The following STX12 variants were observed in gnomAD, a reference collection of about 807,000 sequenced individuals.
The protein encoded by STX12 is syntaxin-12.
In STX12, 17 loss-of-function variants were observed where a neutral mutation model predicts 42.2. That is an observed-to-expected ratio of 0.40 (90% confidence interval 0.28 to 0.60). The LOEUF is 0.60. Among genes scored for constraint, STX12 ranks in the 20% least tolerant of loss-of-function variants. STX12 has a pLI of 0.39. For missense variants in STX12, 297 were observed against 330.9 expected (o/e 0.90, Z 0.79); for synonymous variants, 108 against 116.7 (o/e 0.93, Z 0.48).
chr1:27,804,887 A>G (rs891849984), intron 4 of STX12, among the ~76,000 whole-genome samples: 1 of 152,066 alleles, frequency 6.6e-6, no homozygotes, highest in Non-Finnish European at 1.5e-5. Context: ...TTTAATTTAT[A>G]TAGGAAAGGG....
chr1:27,808,488 C>G (rs2088880047), intron 4 of STX12, among the ~76,000 whole-genome samples: 1 of 151,808 alleles, frequency 6.6e-6, no homozygotes, highest in African/African-American at 2.4e-5. Context: ...ATTACAGGCA[C>G]CCACCACCAT....
intron 6 of STX12, among the ~76,000 whole-genome samples, chr1:27,813,481 A>G (rs1344874106): frequency 8.5e-5 from 13 of 152,150 alleles, no homozygotes; most frequent in Admixed American, 8.5e-4. Flanking sequence ...CAGCTAAAAT[A>G]TCCTTAAACC....
In STX12 at chr1:27,804,818, A is replaced by G. The variant is rs548544776; in HGVS notation, c.426+3003A>G. Among the ~76,000 whole-genome samples the G allele has an allele frequency of 1.3e-4, 20 of 152,272 alleles. No homozygotes were observed. In the South Asian group the frequency reaches 3.9e-3, roughly 30 times the overall value. ...AGAGTGAGACTCCATCTCAAAAAAA[A>G]AAAAAGGAAGAAAGAACTGCCAGAG... is the stretch of plus-strand genomic sequence containing the variant. On this transcript the variant is annotated intron_variant, in intron 4 of 8. Coordinates refer to ENST00000373943, the MANE Select transcript of STX12 (RefSeq NM_177424.3).
chr1:27,798,619 G>T (rs1027802800), intron 3 of STX12, among the ~76,000 whole-genome samples: 11 of 144,860 alleles, frequency 7.6e-5, no homozygotes, highest in African/African-American at 2.9e-4. Context: ...CACTCCAGCC[G>T]GGGTGACAGA....
At chr1:27,800,592 G>A (rs1050841744) in intron 3 of STX12, among the ~76,000 whole-genome samples, 9 of 151,708 alleles carry the variant, frequency 5.9e-5, no homozygotes, top group Middle Eastern at 6.8e-3. Context: ...TACATGGCAT[G>A]ATTTCAACTC....
chr1:27,799,029 A>G (rs1484635491), intron 3 of STX12, among the ~76,000 whole-genome samples: 7 of 152,202 alleles, frequency 4.6e-5, no homozygotes, highest in Non-Finnish European at 8.8e-5. Flanking sequence ...TTTAAAAGTT[A>G]TGATAATATT....
At position 27,810,233 on chromosome 1, in the gene STX12, A is replaced by T; in HGVS notation, c.427-13A>T. 6.2e-7 allele frequency: 1 copy of T among 1,613,480 alleles called. No individual in the cohort carries two copies. ...TCTGGATGACAGCAGCAATAATACC[A>T]TCTACTTTCTAGGCAGAAGAGAGGC... On this transcript the variant is annotated splice_polypyrimidine_tract_variant and intron_variant, in intron 4 of 8. Coordinates refer to ENST00000373943, the MANE Select transcript of STX12 (RefSeq NM_177424.3).
At chr1:27,806,005 T>C (rs1369328488) in intron 4 of STX12, among the ~76,000 whole-genome samples, 1 of 152,188 alleles carries the variant, frequency 6.6e-6, no homozygotes, top group Non-Finnish European at 1.5e-5. Flanking sequence ...TTTTATAGCA[T>C]CATGTATTTA....
chr1:27,799,477 G>GTTTTTTTTTTTTTTTTTTTTTTTTTTTT (rs200472226), intron 3 of STX12, among the ~76,000 whole-genome samples: 2 of 130,712 alleles, frequency 1.5e-5, no homozygotes, highest in African/African-American at 6.4e-5. Context: ...TCATTAGCTT[G>GTTTTTTTTTTTTTTTTTTTTTTTTTTTT]TTTTTTTTTT....
In STX12 at chr1:27,821,597, G is replaced by A. The variant is rs938230779; in HGVS notation, c.733-634G>A. Among the ~76,000 whole-genome samples the A allele has an allele frequency of 4.0e-5, 6 of 150,968 alleles. No homozygotes were observed. The South Asian group carries it at 6.3e-4, about 16-fold the overall frequency. On this transcript the variant is annotated intron_variant, in intron 8 of 8. Coordinates refer to ENST00000373943, the MANE Select transcript of STX12 (RefSeq NM_177424.3). ...TACAATGAACATAACAGTTTTATAC[G>A]TATTATAAAATGTTATTAAAATACA... is the stretch of plus-strand genomic sequence containing the variant.
At chr1:27,799,498 T>TTTTTTTTTTTTTTTTTTTTTA (rs2088812519) in intron 3 of STX12, among the ~76,000 whole-genome samples, 1 of 151,330 alleles carries the variant, frequency 6.6e-6, no homozygotes, top group African/African-American at 2.5e-5. Context: ...TGTTTTTTTT[T>TTTTTTTTTTTTTTTTTTTTTA]TTGAGACAGA....
chr1:27,812,364 C>T (rs1244254198), intron 6 of STX12, 96 bp downstream of exon 6: 6 of 881,834 alleles, frequency 6.8e-6, no homozygotes, highest in African/African-American at 1.7e-5. Context: ...TATGAAAAGG[C>T]ATAAAATGTG....
At chr1:27,785,556 A>C (rs1189253720) in intron 1 of STX12, among the ~76,000 whole-genome samples, 1 of 152,220 alleles carries the variant, frequency 6.6e-6, no homozygotes, top group East Asian at 1.9e-4. Flanking sequence ...AAAACCTTAC[A>C]CAAATAGTTT....
chr1:27,821,561 AT>A (rs61213603), intron 8 of STX12, among the ~76,000 whole-genome samples: 18,662 of 147,576 alleles, frequency 0.13, 3,797 homozygotes, highest in African/African-American at 0.43. Context: ...CGCTTGCTGT[AT>A]TTTTTTTTTT....
intron 6 of STX12, among the ~76,000 whole-genome samples, chr1:27,814,989 C>G (rs2088931029): frequency 6.6e-6 from 1 of 151,508 alleles, no homozygotes; most frequent in Non-Finnish European, 1.5e-5. Context: ...TACAGTGTAA[C>G]AGTATTTTAT....
intron 8 of STX12, among the ~76,000 whole-genome samples, chr1:27,821,972 C>T (rs1227006542): frequency 2.0e-5 from 3 of 152,040 alleles, no homozygotes; most frequent in Middle Eastern, 3.4e-3. Flanking sequence ...TAGCCAAGAT[C>T]GCACCACGGC....
chr1:27,799,489 G>T (rs59170025), intron 3 of STX12, among the ~76,000 whole-genome samples: 12,458 of 125,814 alleles, frequency 0.099, 2,240 homozygotes, highest in African/African-American at 0.38. Flanking sequence ...TTTTTTTTTT[G>T]TTTTTTTTTT....
At position 27,823,599 on chromosome 1, in the gene STX12, G is replaced by A. The variant is rs2089000481; in HGVS notation, c.*1270G>A. 1 of 152,540 alleles carries A rather than the reference G, an allele frequency of 6.6e-6. No homozygotes were observed. Among genetic ancestry groups the A allele is most frequent in the Admixed American group, 6.5e-5 (1 of 15,274 alleles). 9.4% of individuals were successfully genotyped at this position (152,540 alleles called of 1,614,324 possible). A position where few individuals can be genotyped will look rare whatever the true frequency, so the allele number is the denominator to read the frequency against. Reference sequence around the variant, plus strand: ...TGGTTCATCCTTTAGTGAATTAGAGGATTTGGCTACCCTGAGTATATTTAT... The same window carrying A: ...TGGTTCATCCTTTAGTGAATTAGAGAATTTGGCTACCCTGAGTATATTTAT... On this transcript the variant is annotated 3_prime_UTR_variant, in exon 9 of 9. Transcript: ENST00000373943.
chr1:27,780,731 C>A (rs1016052393), intron 1 of STX12, among the ~76,000 whole-genome samples: 1 of 151,998 alleles, frequency 6.6e-6, no homozygotes, highest in Non-Finnish European at 1.5e-5. Context: ...GCGAGTGGAT[C>A]TCTTGAGCTC....
Sources: gnomAD v4.1 joint callset for allele counts (sites outside exome capture counted in the v4.1 genomes callset) on GRCh38, gnomAD v4.1.1 for gene constraint, MANE v1.5 for transcripts, NCBI Gene and HGNC (gene_info 2026-07-23, HGNC 2026-07-21) for gene names.